Variants in TMTC2 observed in about 807,000 individuals in gnomAD.
TMTC2 encodes the protein transmembrane O-mannosyltransferase targeting cadherins 2, also known as protein O-mannosyl-transferase TMTC2.
TMTC2 carries 43 observed loss-of-function variants against 82.4 expected under a neutral mutation model. The ratio of observed to expected loss-of-function variants is 0.52; its 90% CI spans 0.41 to 0.67. TMTC2 has a LOEUF of 0.67. Among genes scored for constraint, TMTC2 ranks in the 30% least tolerant of loss-of-function variants. TMTC2 has a pLI of 0.00. For synonymous variants in TMTC2, 408 were observed against 381.9 expected, an observed-to-expected ratio of 1.07 and a Z score of -0.80; for missense variants, 919 against 1,012.4, an observed-to-expected ratio of 0.91 and a Z score of 1.25.
intron 1 of TMTC2, among the ~76,000 whole-genome samples, chr12:82,830,233 A>T (rs1869674204): frequency 6.6e-6 from 1 of 152,162 alleles, no homozygotes; most frequent in African/African-American, 2.4e-5. Context: ...CATTGTCTCA[A>T]ATTGAATTCT....
intron 3 of TMTC2, among the ~76,000 whole-genome samples, chr12:82,923,555 C>A (rs1420849666): frequency 6.6e-6 from 1 of 151,854 alleles, no homozygotes; most frequent in Non-Finnish European, 1.5e-5. Context: ...TTAAGAAGTT[C>A]TTTTCCATTC....
At chr12:82,735,857 G>A (rs974047881) in intron 1 of TMTC2, among the ~76,000 whole-genome samples, 3 of 151,922 alleles carry the variant, frequency 2.0e-5, no homozygotes, top group African/African-American at 7.2e-5. Flanking sequence ...GTGGTGGTAG[G>A]CACTACTTGG....
chr12:82,841,706 G>GTA (rs1179516718), intron 1 of TMTC2, among the ~76,000 whole-genome samples: 1 of 152,150 alleles, frequency 6.6e-6, no homozygotes, highest in African/African-American at 2.4e-5. Flanking sequence ...ATGTGTGTGT[G>GTA]TATAACTATT....
intron 1 of TMTC2, among the ~76,000 whole-genome samples, chr12:82,853,385 G>A (rs1871087954): frequency 6.6e-6 from 1 of 152,142 alleles, no homozygotes; most frequent in East Asian, 1.9e-4. Context: ...TTACAGGCAT[G>A]AGCCACCATG....
At chr12:82,979,800 C>T (rs772596895) in intron 7 of TMTC2, among the ~76,000 whole-genome samples, 2 of 151,746 alleles carry the variant, frequency 1.3e-5, no homozygotes, top group Non-Finnish European at 3.0e-5. Flanking sequence ...GATTAAATCT[C>T]TCAGCTTTTG....
rs112130369 is a variant in TMTC2 at position 82,965,543 on chromosome 12, C to A, written c.1685-17C>A. On this transcript the variant is annotated splice_polypyrimidine_tract_variant and intron_variant, in intron 5 of 11. Coordinates refer to ENST00000321196, the MANE Select transcript of TMTC2 (RefSeq NM_152588.3). Reference sequence around the variant, plus strand: ...ATATCATCTTCTCACACTTTTGTTTCCACTTTTCCCCCTCAGCTGCATATT... The same window carrying A: ...ATATCATCTTCTCACACTTTTGTTTACACTTTTCCCCCTCAGCTGCATATT... 6.2e-7 allele frequency: 1 copy of A among 1,612,732 alleles called. No individual in the cohort carries two copies. The highest frequency in any genetic ancestry group is 8.5e-7 in the Non-Finnish European group (1 of 1,179,118).
chr12:83,060,423 C>T (rs903888669), intron 10 of TMTC2, among the ~76,000 whole-genome samples: 17 of 151,560 alleles, frequency 1.1e-4, no homozygotes, highest in Non-Finnish European at 1.9e-4. Context: ...TCTTTTAAAA[C>T]TTGAATATGT....
intron 8 of TMTC2, among the ~76,000 whole-genome samples, chr12:83,024,583 T>C (rs1881081246): frequency 6.6e-6 from 1 of 152,206 alleles, no homozygotes; most frequent in Non-Finnish European, 1.5e-5. Flanking sequence ...AGACTGTTCC[T>C]TCCCCAGACT....
chr12:83,089,267 A>G (rs1261089981), intron 11 of TMTC2, among the ~76,000 whole-genome samples: 1 of 152,140 alleles, frequency 6.6e-6, no homozygotes, highest in Non-Finnish European at 1.5e-5. Flanking sequence ...AAACTCTAAA[A>G]TGTTTGCTTT....
chr12:82,752,971 T>C (rs2136968552), intron 1 of TMTC2, among the ~76,000 whole-genome samples: 1 of 152,276 alleles, frequency 6.6e-6, no homozygotes, highest in African/African-American at 2.4e-5. Flanking sequence ...TGATCACTTG[T>C]TCCTGCTGTT....
chr12:83,028,188 A>ATG (rs1025353489), intron 8 of TMTC2, among the ~76,000 whole-genome samples: 1 of 152,136 alleles, frequency 6.6e-6, no homozygotes, highest in Non-Finnish European at 1.5e-5. Flanking sequence ...GAATATATAT[A>ATG]TGTGTGTGTG....
intron 1 of TMTC2, among the ~76,000 whole-genome samples, chr12:82,773,627 G>GTTGTTGTAT (rs1305339620): frequency 6.6e-6 from 1 of 151,676 alleles, no homozygotes; most frequent in Non-Finnish European, 1.5e-5. Context: ...GGCCCAGCTA[G>GTTGTTGTAT]TTGTTGTATT....
intron 1 of TMTC2, among the ~76,000 whole-genome samples, chr12:82,835,784 G>T (rs1870003845): frequency 6.6e-6 from 1 of 152,156 alleles, no homozygotes; most frequent in South Asian, 2.1e-4. Flanking sequence ...GTAAATCGCT[G>T]TTGCTCCCTG....
At chr12:82,823,872 C>A (rs1359931276) in intron 1 of TMTC2, among the ~76,000 whole-genome samples, 1 of 150,758 alleles carries the variant, frequency 6.6e-6, no homozygotes, top group Non-Finnish European at 1.5e-5. Context: ...GTATTAAGTC[C>A]TTGTTGCTGG....
At chr12:82,743,328 C>A (rs1169471925) in intron 1 of TMTC2, among the ~76,000 whole-genome samples, 1 of 151,810 alleles carries the variant, frequency 6.6e-6, no homozygotes, top group Non-Finnish European at 1.5e-5. Context: ...GTAATCATAG[C>A]TACTCGGTAG....
At chr12:83,071,316 G>A (rs531537428) in intron 11 of TMTC2, among the ~76,000 whole-genome samples, 7 of 151,500 alleles carry the variant, frequency 4.6e-5, no homozygotes, top group South Asian at 4.1e-4. Flanking sequence ...TACCATGCCC[G>A]GCTAATTTTT....
intron 1 of TMTC2, among the ~76,000 whole-genome samples, chr12:82,855,850 T>C (rs1439312014): frequency 6.6e-6 from 1 of 152,238 alleles, no homozygotes; most frequent in East Asian, 1.9e-4. Context: ...GGTAATGAAA[T>C]TTACTTTCAA....
intron 2 of TMTC2, among the ~76,000 whole-genome samples, chr12:82,877,718 T>C (rs7299821): frequency 0.15 from 22,124 of 152,148 alleles, 4,924 homozygotes; most frequent in African/African-American, 0.48. Flanking sequence ...TCATAGTTCA[T>C]GTATATTTAA....
intron 9 of TMTC2, among the ~76,000 whole-genome samples, chr12:83,032,279 ATATAT>A (rs1243838330): frequency 5.5e-5 from 7 of 127,004 alleles, no homozygotes; most frequent in African/African-American, 2.0e-4. Context: ...ATATATATAT[ATATAT>A]ATATATATAT....
Sources: gnomAD v4.1 joint callset for allele counts (sites outside exome capture counted in the v4.1 genomes callset) on GRCh38, gnomAD v4.1.1 for gene constraint, MANE v1.5 for transcripts, NCBI Gene and HGNC (gene_info 2026-07-23, HGNC 2026-07-21) for gene names.